The following NBAS variants were observed in gnomAD, a reference collection of about 807,000 sequenced individuals.
NBAS encodes NAG/BC035112 fusion.
In NBAS, 219 loss-of-function variants were observed where a neutral mutation model predicts 302.5. The ratio of observed to expected loss-of-function variants is 0.72; its 90% CI spans 0.65 to 0.81. The LOEUF is 0.81. Among genes scored for constraint, NBAS ranks in the 30% least tolerant of loss-of-function variants. The pLI is 0.00. For synonymous variants in NBAS, 1,118 were observed against 1,021.6 expected, an observed-to-expected ratio of 1.09 and a Z score of -1.80; for missense variants, 2,932 against 2,841.6, an observed-to-expected ratio of 1.03 and a Z score of -0.72.
chr2:15,000,991 T>C, the NBAS span, among the ~76,000 whole-genome samples: 1 of 152,150 alleles, frequency 6.6e-6, no homozygotes, highest in African/African-American at 2.4e-5. Flanking sequence ...GGAACAGACA[T>C]GGGCATGAGC....
In NBAS at chr2:15,553,441, T is replaced by C. The variant is rs747819183; in HGVS notation, c.320A>G (p.Gln107Arg). ...NGKLLAAVQD[Q>R]CVEIRSAKDD... ...TAACAATTACCTGATTTCCACACAC[T>C]GATCTTGAACAGCAGCCAAAAGCTT... The change falls in exon 5 of 52, where the codon CAG (glutamine) becomes CGG (arginine). Residue 107 changes from glutamine (Q) to arginine (R), a missense_variant. By Grantham distance (43) the Gln-to-Arg change is conservative. Coordinates refer to ENST00000281513, the MANE Select transcript of NBAS (RefSeq NM_015909.4). The C allele has an allele frequency of 6.2e-7, 1 of 1,610,938 alleles. No individual in the cohort carries two copies. The highest frequency in any genetic ancestry group is 1.1e-5 in the South Asian group (1 of 91,008).
the NBAS span, among the ~76,000 whole-genome samples, chr2:14,956,044 T>C: frequency 3.9e-5 from 6 of 152,210 alleles, no homozygotes; most frequent in Non-Finnish European, 7.3e-5. Flanking sequence ...TCCTCTTGAA[T>C]ACTTTGCTGC....
the NBAS span, among the ~76,000 whole-genome samples, chr2:15,144,145 C>G: frequency 6.7e-6 from 1 of 150,276 alleles, no homozygotes; most frequent in African/African-American, 2.5e-5. Flanking sequence ...CAGCCTGGCC[C>G]CCAGGGCCCA....
At chr2:15,303,207 A>G (rs1387466023) in intron 40 of NBAS, among the ~76,000 whole-genome samples, 1 of 152,170 alleles carries the variant, frequency 6.6e-6, no homozygotes, top group African/African-American at 2.4e-5. Flanking sequence ...TGACTAATAC[A>G]ATAGGAAAAC....
At chr2:15,176,728 T>C (rs950450529) in intron 51 of NBAS, among the ~76,000 whole-genome samples, 1 of 152,198 alleles carries the variant, frequency 6.6e-6, no homozygotes, top group African/African-American at 2.4e-5. Context: ...GAATGTCATG[T>C]TGGTGTTCAA....
the NBAS span, among the ~76,000 whole-genome samples, chr2:14,916,087 AT>A: frequency 7.3e-4 from 110 of 150,952 alleles, no homozygotes; most frequent in Middle Eastern, 6.8e-3. Context: ...CCTCCCTGAG[AT>A]TTTTTTTTTC....
intron 48 of NBAS, among the ~76,000 whole-genome samples, chr2:15,203,868 GTC>G (rs1665999559): frequency 1.6e-5 from 2 of 126,462 alleles, no homozygotes; most frequent in East Asian, 7.7e-4. Flanking sequence ...GTGTGTCTGT[GTC>G]TGTGTGTGTG....
chr2:15,467,484 A>C, intron 18 of NBAS, 77 bp from the exon 19 acceptor site: 1 of 1,403,914 alleles, frequency 7.1e-7, no homozygotes, highest in South Asian at 1.2e-5. Flanking sequence ...AAAATGATTA[A>C]TATTCCGTTG....
At chr2:15,277,574 A>G (rs139580423) in intron 42 of NBAS, among the ~76,000 whole-genome samples, 156 of 152,362 alleles carry the variant, frequency 1.0e-3, no homozygotes, top group African/African-American at 3.5e-3. Flanking sequence ...TTTACATGCA[A>G]GAGTCTTGAA....
At chr2:15,478,346 T>A in intron 12 of NBAS, 57 bp from the exon 13 acceptor site, 1 of 1,296,660 alleles carries the variant, frequency 7.7e-7, no homozygotes, top group Non-Finnish European at 1.1e-6. Flanking sequence ...TATAAGAAAA[T>A]CATCAAGAAC....
At chr2:14,849,790 A>G in the NBAS span, among the ~76,000 whole-genome samples, 12 of 142,332 alleles carry the variant, frequency 8.4e-5, no homozygotes, top group African/African-American at 3.0e-4. Flanking sequence ...ATTCTTAAAG[A>G]AAAGAATTTT....
At chr2:15,283,699 T>A (rs1437112157) in intron 42 of NBAS, among the ~76,000 whole-genome samples, 2 of 152,154 alleles carry the variant, frequency 1.3e-5, no homozygotes, top group Non-Finnish European at 2.9e-5. Flanking sequence ...GCCACTCAGT[T>A]ATACATTTTT....
the NBAS span, among the ~76,000 whole-genome samples, chr2:14,876,641 C>T: frequency 6.6e-6 from 1 of 152,216 alleles, no homozygotes; most frequent in Non-Finnish European, 1.5e-5. Flanking sequence ...AATTTAGAAA[C>T]TAGCTCAGCC....
intron 11 of NBAS, among the ~76,000 whole-genome samples, chr2:15,496,186 G>A (rs1681064327): frequency 6.6e-6 from 1 of 151,848 alleles, no homozygotes; most frequent in South Asian, 2.1e-4. Flanking sequence ...AACAACATGG[G>A]TGAACCTTGA....
At position 15,561,258 on chromosome 2, in the gene NBAS, T is replaced by C. The variant is rs1448515168; in HGVS notation, c.47A>G (p.Glu16Gly). 2.5e-6 allele frequency: 4 copies of C among 1,613,902 alleles called. No individual in the cohort carries two copies. The highest frequency in any genetic ancestry group is 1.1e-5 in the South Asian group (1 of 91,072). ...ATAGAGAATCGTCTCCTCCTCACCC[T>C]CTGCAGTGCCTGGACTCAAAGCCGG... ...SGPALSPGTA[E>G]GEEETILYDL... Residue 16 changes from glutamate (E) to glycine (G), a missense_variant, in exon 1 of 52, where the codon GAG becomes GGG. Glu to Gly is a moderately conservative substitution (Grantham distance 98). Coordinates refer to ENST00000281513, the MANE Select transcript of NBAS (RefSeq NM_015909.4).
chr2:15,433,003 CAA>C (rs1484173933), intron 21 of NBAS, among the ~76,000 whole-genome samples: 2 of 152,280 alleles, frequency 1.3e-5, no homozygotes, highest in South Asian at 2.1e-4. Flanking sequence ...AAAAGAGAGA[CAA>C]GAGTGAAAAC....
chr2:14,860,393 C>T, the NBAS span, among the ~76,000 whole-genome samples: 3 of 152,128 alleles, frequency 2.0e-5, no homozygotes, highest in Non-Finnish European at 2.9e-5. Flanking sequence ...TCACGCATTG[C>T]AGCACTATTC....
At chr2:14,879,046 A>G in the NBAS span, among the ~76,000 whole-genome samples, 3 of 152,226 alleles carry the variant, frequency 2.0e-5, no homozygotes, top group Non-Finnish European at 4.4e-5. Flanking sequence ...TATATTTAAA[A>G]TTATATATAC....
chr2:15,437,158 C>T (rs150334546), intron 21 of NBAS, among the ~76,000 whole-genome samples: 2 of 152,200 alleles, frequency 1.3e-5, no homozygotes, highest in Non-Finnish European at 2.9e-5. Context: ...GGTGACTCTT[C>T]GCCTGTGTAT....
Sources: allele counts gnomAD v4.1 joint callset (sites outside exome capture counted in the v4.1 genomes callset), GRCh38; gene constraint gnomAD v4.1.1; transcripts MANE v1.5; gene names NCBI Gene and HGNC (gene_info 2026-07-23, HGNC 2026-07-21).